The following SHTN1 variants were observed in gnomAD, a reference collection of about 807,000 sequenced individuals.
SHTN1 encodes the protein shootin-1.
In SHTN1, 42 loss-of-function variants were observed where a neutral mutation model predicts 83.1. The ratio of observed to expected loss-of-function variants is 0.51; its 90% CI spans 0.39 to 0.65. The LOEUF (loss-of-function observed/expected upper bound fraction) is 0.65. Ranked by LOEUF, SHTN1 falls within the 30% of genes least tolerant of loss-of-function variation. SHTN1 has a pLI of 0.00. For synonymous variants in SHTN1, 224 were observed against 247.7 expected (o/e 0.90, Z 0.90); for missense variants, 622 against 737.8 (o/e 0.84, Z 1.82).
intron 15 of SHTN1, among the ~76,000 whole-genome samples, chr10:116,904,779 G>T (rs1050418045): frequency 6.6e-6 from 1 of 152,316 alleles, no homozygotes; most frequent in East Asian, 1.9e-4. Context: ...TCTGAAATGT[G>T]AGTATTGCAC....
At chr10:116,988,946 AAC>A (rs1285896649) in intron 1 of SHTN1, among the ~76,000 whole-genome samples, 1 of 152,240 alleles carries the variant, frequency 6.6e-6, no homozygotes, top group Admixed American at 6.5e-5. Context: ...TTAGCTGTGC[AAC>A]AGTCTTACAG....
chr10:116,965,275 G>C (rs1431698918), intron 3 of SHTN1, among the ~76,000 whole-genome samples: 1 of 152,186 alleles, frequency 6.6e-6, no homozygotes, highest in East Asian at 1.9e-4. Context: ...GCAGCACTTT[G>C]AGAGGCTGAG....
intron 5 of SHTN1, among the ~76,000 whole-genome samples, chr10:116,952,489 T>C (rs1336605097): frequency 6.6e-6 from 1 of 152,214 alleles, no homozygotes; most frequent in African/African-American, 2.4e-5. Flanking sequence ...TAGACATTAT[T>C]TGAACTGATT....
rs188638708 is a variant in SHTN1 at position 117,021,148 on chromosome 10, G to A, written c.-123+27297C>T. Among the ~76,000 whole-genome samples, 13 of 152,262 alleles carry A rather than the reference G, an allele frequency of 8.5e-5. No homozygotes were observed. In the South Asian group the frequency reaches 1.0e-3, roughly 12 times the overall value. On this transcript the variant is annotated intron_variant, in intron 2 of 17. Coordinates refer to the SHTN1 transcript ENST00000392901. ...AGCACTTTGGGAGGCCAAGGTGGGC[G>A]GATCACCTGAGCTCAGGAGTTCAAG... is the stretch of plus-strand genomic sequence containing the variant.
chr10:117,073,759 T>C (rs1853117744), intron 1 of SHTN1, among the ~76,000 whole-genome samples: 1 of 152,162 alleles, frequency 6.6e-6, no homozygotes, highest in Non-Finnish European at 1.5e-5. Flanking sequence ...CCAATTTGTG[T>C]CCCCTAATTC....
chr10:117,033,013 C>CAA (rs1246246706), intron 2 of SHTN1, among the ~76,000 whole-genome samples: 2 of 151,936 alleles, frequency 1.3e-5, no homozygotes, highest in Admixed American at 6.6e-5. Flanking sequence ...ACAGAACATA[C>CAA]AAAAACCTAT....
chr10:116,985,247 G>A (rs1161450353), intron 1 of SHTN1, among the ~76,000 whole-genome samples: 4 of 152,160 alleles, frequency 2.6e-5, no homozygotes, highest in African/African-American at 7.2e-5. Flanking sequence ...TGAATGGTTC[G>A]TGTAAATCTG....
chr10:117,078,084 C>A (rs1466052375), intron 1 of SHTN1, among the ~76,000 whole-genome samples: 2 of 152,204 alleles, frequency 1.3e-5, no homozygotes, highest in African/African-American at 2.4e-5. Flanking sequence ...GTTTAGCAAA[C>A]TTCCCATTCT....
intron 9 of SHTN1, among the ~76,000 whole-genome samples, chr10:116,934,477 T>C (rs1849082716): frequency 1.3e-5 from 2 of 152,216 alleles, no homozygotes; most frequent in Admixed American, 1.3e-4. Flanking sequence ...CAGATGGTTG[T>C]AGATGTGTGG....
chr10:116,954,871 G>C (rs1411593283), intron 4 of SHTN1, among the ~76,000 whole-genome samples: 2 of 152,102 alleles, frequency 1.3e-5, no homozygotes. Flanking sequence ...TTTTAGAAAA[G>C]CTAAAACTGA....
intron 4 of SHTN1, among the ~76,000 whole-genome samples, chr10:116,957,128 T>C (rs1850011882): frequency 6.6e-6 from 1 of 152,106 alleles, no homozygotes; most frequent in South Asian, 2.1e-4. Context: ...TGAACATTTT[T>C]GAGAATTCTG....
At chr10:116,930,028 C>A in intron 9 of SHTN1, 26 bp from the exon 10 acceptor site, 1 of 1,435,940 alleles carries the variant, frequency 7.0e-7, no homozygotes. Context: ...AAAAAAAAGA[C>A]TTTTATGGCT....
intron 2 of SHTN1, chr10:116,974,019 G>T: frequency 1.9e-6 from 2 of 1,072,938 alleles, no homozygotes; most frequent in Admixed American, 3.6e-5. Context: ...ATTCCCACTA[G>T]GATGGAATTC....
Position 116,886,459 on chromosome 10 carries a change from T to C in SHTN1, c.1781A>G (p.Asp594Gly), listed in dbSNP as rs1278217267. The change falls in exon 17 of 17, where the codon GAC (aspartate) becomes GGC (glycine). Residue 594 changes from aspartate to glycine, a missense_variant. This residue lies in a region of SHTN1 where 231 missense variants were observed against 251.6 expected (regional missense o/e 0.92). Transcript: ENST00000355371. Reference sequence around the variant, plus strand: ...AGTTGGATCTTTTTCAGCAACCTGGTCTTTGGTTTGGGGTTCATGTGTAGA... The same window carrying C: ...AGTTGGATCTTTTTCAGCAACCTGGCCTTTGGTTTGGGGTTCATGTGTAGA... ...PVSTHEPQTK[D>G]QVAEKDPTQH... 2 of 1,613,688 alleles carry C rather than the reference T, an allele frequency of 1.2e-6. No homozygotes were observed. Among genetic ancestry groups the C allele is most frequent in the African/African-American group, 1.3e-5 (1 of 74,914 alleles).
chr10:116,997,815 A>G lies in SHTN1; in HGVS notation c.58+7207T>C, dbSNP rs187058347. Among the ~76,000 whole-genome samples the G allele has an allele frequency of 3.2e-3, 493 of 152,200 alleles. 1 individual carries two copies. Among genetic ancestry groups the G allele is most frequent in the Middle Eastern group, 3.4e-3 (1 of 294 alleles). On this transcript the variant is annotated intron_variant, in intron 1 of 16. Transcript: ENST00000355371. The stretch of plus-strand genomic sequence containing the variant: ...ACTTAAGAATCAGGGAGTTAGGGCC[A>G]GGCGCGATGGCTCACGCCTGTAAAC...
intron 1 of SHTN1, among the ~76,000 whole-genome samples, chr10:117,001,757 T>C (rs572155664): frequency 1.3e-5 from 2 of 152,286 alleles, no homozygotes; most frequent in East Asian, 3.9e-4. Flanking sequence ...TCTCAACTCA[T>C]TGAAATGATA....
At position 116,911,812 on chromosome 10, in the gene SHTN1, A is replaced by G; in HGVS notation, c.1337T>C (p.Val446Ala). The change falls in exon 14 of 17, where the codon GTG becomes GCG. Residue 446 changes from valine (V) to alanine (A), a missense_variant. This residue lies in a region of SHTN1 where 231 missense variants were observed against 251.6 expected (regional missense o/e 0.92). Transcript: ENST00000355371. ...TACCAGTATTCCTTTTAGTTCATCC[A>G]CTGCACTTTCGCAGCCTTTCGAAGA... ...PESSKGCESA[V>A]DELKGILGTL... 6.2e-7 allele frequency: 1 copy of G among 1,613,004 alleles called. No individual in the cohort carries two copies. Among genetic ancestry groups the G allele is most frequent in the Non-Finnish European group, 8.5e-7 (1 of 1,179,026 alleles).
intron 1 of SHTN1, among the ~76,000 whole-genome samples, chr10:117,102,756 C>T (rs1044719005): frequency 3.3e-5 from 5 of 152,072 alleles, no homozygotes; most frequent in African/African-American, 1.2e-4. Flanking sequence ...GACTATAAAG[C>T]TCTATTCTCT....
chr10:117,096,806 A>T (rs1554938894), intron 1 of SHTN1, among the ~76,000 whole-genome samples: 1 of 152,180 alleles, frequency 6.6e-6, no homozygotes, highest in Non-Finnish European at 1.5e-5. Flanking sequence ...CTGTTTTGGT[A>T]GCCTGACCTG....
Sources: gnomAD v4.1 joint callset for allele counts (sites outside exome capture counted in the v4.1 genomes callset) on GRCh38, gnomAD v4.1.1 for gene constraint, gnomAD v4.1.1 regional missense constraint, MANE v1.5 for transcripts, NCBI Gene and HGNC (gene_info 2026-07-23, HGNC 2026-07-21) for gene names.